The following EXTL3 variants were observed in gnomAD, a reference collection of about 807,000 sequenced individuals.
EXTL3 encodes exostosin like glycosyltransferase 3.
Under a neutral mutation model 69.3 loss-of-function variants are expected in EXTL3, and 27 were observed. That is an observed-to-expected ratio of 0.39 (90% CI 0.29 to 0.54). The LOEUF (loss-of-function observed/expected upper bound fraction) is 0.54. EXTL3 is among the 20% of genes least tolerant of loss of function. The pLI, the probability that EXTL3 is intolerant of heterozygous loss-of-function variation, is 0.69. For missense variants in EXTL3, 1,003 were observed against 1,231.8 expected (o/e 0.81, Z 2.78); for synonymous variants, 511 against 499.4 (o/e 1.02, Z -0.31).
At chr8:28,693,505 A>AT (rs1016266574) in intron 1 of EXTL3, among the ~76,000 whole-genome samples, 3,508 of 143,536 alleles carry the variant, frequency 0.024, 58 homozygotes, top group African/African-American at 0.054. Flanking sequence ...TTGAATGTTT[A>AT]TTTTTTTTTT....
chr8:28,704,900 C>T (rs1298179988), intron 1 of EXTL3, among the ~76,000 whole-genome samples: 1 of 152,216 alleles, frequency 6.6e-6, no homozygotes, highest in Non-Finnish European at 1.5e-5. Flanking sequence ...GAACTTCCAC[C>T]CACCTCAGCC....
intron 5 of EXTL3, chr8:28,742,645 C>T (rs1166043208): frequency 4.6e-5 from 14 of 303,556 alleles, no homozygotes; most frequent in Non-Finnish European, 8.9e-5. Flanking sequence ...AGAATCTGTA[C>T]AGGAGGCAGT....
At chr8:28,652,686 C>T (rs1201377780) in intron 1 of EXTL3, among the ~76,000 whole-genome samples, 2 of 149,102 alleles carry the variant, frequency 1.3e-5, no homozygotes, top group East Asian at 3.9e-4. Flanking sequence ...TATATATAGC[C>T]ATATATATAT....
At chr8:28,646,933 T>C (rs1806839776) in intron 1 of EXTL3, among the ~76,000 whole-genome samples, 1 of 152,198 alleles carries the variant, frequency 6.6e-6, no homozygotes, top group South Asian at 2.1e-4. Flanking sequence ...TCATTCAGCA[T>C]ACACTAAGTG....
chr8:28,626,543 GT>G (rs1261885610), intron 1 of EXTL3, among the ~76,000 whole-genome samples: 1 of 152,162 alleles, frequency 6.6e-6, no homozygotes, highest in Non-Finnish European at 1.5e-5. Flanking sequence ...ATTTCATTTG[GT>G]TTTTGTAACC....
At chr8:28,609,936 A>T (rs10110369) in intron 2 of EXTL3, among the ~76,000 whole-genome samples, 43,308 of 150,002 alleles carry the variant, frequency 0.29, 6,407 homozygotes, top group African/African-American at 0.33. Context: ...GCAGTGGTTC[A>T]TGCCTGTAAT....
At chr8:28,626,589 C>T (rs1806494850) in intron 1 of EXTL3, among the ~76,000 whole-genome samples, 1 of 152,176 alleles carries the variant, frequency 6.6e-6, no homozygotes, top group Non-Finnish European at 1.5e-5. Context: ...TTAATAGGCG[C>T]ATTCTGTAAG....
At chr8:28,715,217 G>C (rs1266072479) in intron 2 of EXTL3, among the ~76,000 whole-genome samples, 2 of 152,178 alleles carry the variant, frequency 1.3e-5, no homozygotes, top group Admixed American at 1.3e-4. Context: ...AGGTATTTCT[G>C]TTCATCTAAA....
chr8:28,749,811 A>G (rs1801967422), intron 6 of EXTL3, among the ~76,000 whole-genome samples: 1 of 152,104 alleles, frequency 6.6e-6, no homozygotes, highest in South Asian at 2.1e-4. Flanking sequence ...TCAGCCTCCC[A>G]AGTAGCTGGG....
At chr8:28,695,895 G>A (rs1800677743) in intron 1 of EXTL3, among the ~76,000 whole-genome samples, 1 of 152,144 alleles carries the variant, frequency 6.6e-6, no homozygotes, top group African/African-American at 2.4e-5. Flanking sequence ...GAGATTAAAG[G>A]TGTCTTACTT....
chr8:28,685,300 C>T (rs1807558998), intron 1 of EXTL3, among the ~76,000 whole-genome samples: 1 of 151,892 alleles, frequency 6.6e-6, no homozygotes, highest in Admixed American at 6.6e-5. Flanking sequence ...AACATCCAAT[C>T]CAGGATCACA....
At chr8:28,616,868 G>A (rs1806338633) in intron 2 of EXTL3, among the ~76,000 whole-genome samples, 1 of 152,170 alleles carries the variant, frequency 6.6e-6, no homozygotes, top group Non-Finnish European at 1.5e-5. Flanking sequence ...ACCAGCTGTG[G>A]ACACTGAAGG....
At chr8:28,706,719 T>TTTATCA (rs1472581060) in intron 1 of EXTL3, among the ~76,000 whole-genome samples, 1 of 152,242 alleles carries the variant, frequency 6.6e-6, no homozygotes, top group Non-Finnish European at 1.5e-5. Context: ...TATAAACATG[T>TTTATCA]TTATCACTTG....
rs775364911 is a variant in EXTL3 at position 28,717,378 on chromosome 8, G to A, written c.1319G>A (p.Arg440His). 2.2e-5 allele frequency: 36 copies of A among 1,614,024 alleles called. No individual in the cohort carries two copies. Among genetic ancestry groups the A allele is most frequent in the East Asian group, 1.1e-4 (5 of 44,874 alleles). ...CTCATCATTACCCCCGGGGACCCTC[G>A]CTTGGTTATTTCCTCTGGGTGTGCA... ...FALIITPGDP[R>H]LVISSGCATR... is the part of the protein sequence containing the mutation. Residue 440 changes from arginine to histidine, a missense_variant, in exon 3 of 7, where the codon CGC (arginine) becomes CAC (histidine). Physicochemically the swap from Arg to His is conservative, Grantham distance 29. Around this residue, in one of 2 missense-constraint regions of EXTL3, gnomAD observed 742 missense variants for 815.4 expected, o/e 0.91. Coordinates refer to ENST00000220562, the MANE Select transcript of EXTL3 (RefSeq NM_001440.4). This position sits in a 1 kb window ranked among gnomAD's most constrained non-coding sequence, Gnocchi z 8.3.
chr8:28,708,426 C>CT (rs71549693), intron 1 of EXTL3, among the ~76,000 whole-genome samples: 25,222 of 118,684 alleles, frequency 0.21, 2,670 homozygotes, highest in East Asian at 0.34. Context: ...TGGGAAGTGC[C>CT]TTTTTTTTTT....
At chr8:28,747,500 T>C (rs1173839204) in intron 6 of EXTL3, among the ~76,000 whole-genome samples, 1 of 152,150 alleles carries the variant, frequency 6.6e-6, no homozygotes. Context: ...TATTAAGTTA[T>C]GGGATGTGTC....
At chr8:28,671,072 C>T (rs1164487036) in intron 1 of EXTL3, among the ~76,000 whole-genome samples, 1 of 151,908 alleles carries the variant, frequency 6.6e-6, no homozygotes, top group Admixed American at 6.6e-5. Context: ...CCTCCGCCTC[C>T]CGGGTTGAAG....
intron 1 of EXTL3, chr8:28,685,875 T>C (rs1807568977): frequency 6.6e-6 from 1 of 151,808 alleles, no homozygotes; most frequent in Non-Finnish European, 1.5e-5. Flanking sequence ...ATTTTTATTT[T>C]TTTTCTTGAG....
chr8:28,678,598 A>G (rs1807427938), intron 1 of EXTL3, among the ~76,000 whole-genome samples: 1 of 152,178 alleles, frequency 6.6e-6, no homozygotes, highest in South Asian at 2.1e-4. Flanking sequence ...GACCCTCACC[A>G]GATGCAGATG....
Sources: allele counts gnomAD v4.1 joint callset (sites outside exome capture counted in the v4.1 genomes callset), GRCh38; gene constraint gnomAD v4.1.1; regional missense constraint gnomAD v4.1.1; non-coding constraint Gnocchi (gnomAD v3.1); transcripts MANE v1.5; gene names NCBI Gene and HGNC (gene_info 2026-07-23, HGNC 2026-07-21).